KPNA7: variants seen among roughly 807,000 people sequenced by gnomAD.
KPNA7 encodes the protein karyopherin subunit alpha 7.
Under a neutral mutation model 53.7 loss-of-function variants are expected in KPNA7, and 54 were observed. The ratio of observed to expected loss-of-function variants is 1.01; its 90% CI spans 0.81 to 1.26. The LOEUF (loss-of-function observed/expected upper bound fraction) is 1.26. Among genes scored for constraint, KPNA7 ranks in the 50% most tolerant of loss-of-function variants. The pLI is 0.00. For missense variants in KPNA7, 640 were observed against 644.5 expected (o/e 0.99, Z 0.07); for synonymous variants, 276 against 259.3 (o/e 1.06, Z -0.62).
upstream of KPNA7, among the ~76,000 whole-genome samples, chr7:99,208,261 TTATTTA>T (rs1212365217): frequency 6.6e-5 from 10 of 151,478 alleles, no homozygotes; most frequent in African/African-American, 2.2e-4. Context: ...TTTATTTTAT[TTATTTA>T]TTTTTTGAGA....
In KPNA7 at chr7:99,193,019, C is replaced by A; in HGVS notation, c.636G>T (p.Pro212=). Residue 212 remains proline, a splice_region_variant and synonymous_variant, in exon 6 of 11, where the codon CCG becomes CCT. Coordinates refer to ENST00000327442, the MANE Select transcript of KPNA7 (RefSeq NM_001145715.3). ...AAAAGAGAAAGAAAAAGACACTTAC[C>A]GGCAGGGTGGGTGAAATCAAGGCTA... is the stretch of plus-strand genomic sequence containing the variant. ...HLLALISPTL[P]ITFLRNITWT... is the part of the protein sequence containing the mutation. 1 of 1,494,038 alleles carries A rather than the reference C, an allele frequency of 6.7e-7. No homozygotes were observed. Among genetic ancestry groups the A allele is most frequent in the Non-Finnish European group, 8.9e-7 (1 of 1,124,042 alleles). The allele number at this position is 1,494,038 out of a possible 1,614,324, so 92.5% of individuals were successfully genotyped here.
Position 99,176,308 on chromosome 7 carries a change from AAAAAGAAAG to A in KPNA7, c.1464+1603_1464+1611del, listed in dbSNP as rs1182419395. ...GCGAGACTACGTCTCAAAAAAAAAA[AAAAAGAAAG>A]AAAGAAAGAAAGAAAAGAAAAATTT... On this transcript the variant is annotated intron_variant, in intron 10 of 10. Coordinates refer to ENST00000327442, the MANE Select transcript of KPNA7 (RefSeq NM_001145715.3). Among the ~76,000 whole-genome samples the A allele has an allele frequency of 3.2e-4, 31 of 96,072 alleles. No individual in the cohort carries two copies. In the South Asian group the frequency reaches 5.0e-3, roughly 16 times the overall value. The allele number at this position is 96,072 out of a possible 152,430, so 63.0% of individuals were successfully genotyped here.
intron 8 of KPNA7, among the ~76,000 whole-genome samples, chr7:99,183,436 G>A (rs958995167): frequency 3.3e-5 from 5 of 152,140 alleles, no homozygotes; most frequent in Non-Finnish European, 7.3e-5. Context: ...CTCCAAGCAA[G>A]TTATAGTTCA....
chr7:99,195,048 C>T, intron 5 of KPNA7, 22 bp downstream of exon 5: 1 of 1,547,892 alleles, frequency 6.5e-7, no homozygotes, highest in Non-Finnish European at 8.7e-7. Context: ...GTTTTCTTAG[C>T]CCACTAAGGG....
At chr7:99,183,797 TAG>T (rs1789417236) in intron 8 of KPNA7, among the ~76,000 whole-genome samples, 1 of 152,140 alleles carries the variant, frequency 6.6e-6, no homozygotes, top group African/African-American at 2.4e-5. Flanking sequence ...ATGCCAAGGA[TAG>T]TCATTGCTCC....
chr7:99,201,811 C>CA (rs941226252), intron 3 of KPNA7, among the ~76,000 whole-genome samples: 5 of 151,912 alleles, frequency 3.3e-5, no homozygotes, highest in Admixed American at 3.3e-4. Context: ...CAGGTTCAAG[C>CA]AACTCTCCTG....
chr7:99,150,206 C>CCA, the KPNA7 span, among the ~76,000 whole-genome samples: 2 of 151,928 alleles, frequency 1.3e-5, no homozygotes, highest in Non-Finnish European at 2.9e-5. Context: ...AGCAATCCTC[C>CCA]CACCTCAGCC....
intron 3 of KPNA7, among the ~76,000 whole-genome samples, chr7:99,201,219 T>C (rs1286536190): frequency 6.6e-6 from 1 of 152,166 alleles, no homozygotes; most frequent in Non-Finnish European, 1.5e-5. Flanking sequence ...GAGTGACTCC[T>C]GAATGACTGG....
intron 1 of KPNA7, among the ~76,000 whole-genome samples, chr7:99,216,480 G>A (rs1791219548): frequency 6.6e-6 from 1 of 152,138 alleles, no homozygotes; most frequent in Admixed American, 6.6e-5. Context: ...TAAGACCCCT[G>A]CCCTGTGTGA....
intron 8 of KPNA7, among the ~76,000 whole-genome samples, chr7:99,183,124 C>T (rs1018051692): frequency 4.6e-5 from 7 of 152,002 alleles, no homozygotes; most frequent in Admixed American, 2.0e-4. Flanking sequence ...GGTGTGGAGG[C>T]GTGTGCCTGT....
chr7:99,147,663 C>T, the KPNA7 span, among the ~76,000 whole-genome samples: 4 of 151,884 alleles, frequency 2.6e-5, no homozygotes, highest in East Asian at 1.9e-4. Context: ...TAGTGGCAGG[C>T]GCCTGTAATC....
chr7:99,183,624 T>A (rs952853954), intron 8 of KPNA7, among the ~76,000 whole-genome samples: 3 of 152,112 alleles, frequency 2.0e-5, no homozygotes, highest in Non-Finnish European at 2.9e-5. Flanking sequence ...ACCTGGTGCA[T>A]CCTGGGAACT....
rs1320846821 is a variant in KPNA7 at position 99,188,489 on chromosome 7, A to G, written c.711T>C (p.Thr237=). The change falls in exon 7 of 11, where the codon ACT becomes ACC. Residue 237 remains threonine (T), a synonymous_variant. Transcript: ENST00000327442. Reference sequence around the variant, plus strand: ...GGGCCGGCAGTATCTGCTTCACCGCAGTGTCGCAAGGGTATGGGTTCTTGT... The same window carrying G: ...GGGCCGGCAGTATCTGCTTCACCGCGGTGTCGCAAGGGTATGGGTTCTTGT... ...CRNKNPYPCD[T]AVKQILPALL... The G allele has an allele frequency of 1.9e-6, 3 of 1,551,726 alleles. No homozygotes were observed. Among genetic ancestry groups the G allele is most frequent in the Non-Finnish European group, 2.6e-6 (3 of 1,147,000 alleles).
intron 3 of KPNA7, among the ~76,000 whole-genome samples, chr7:99,196,429 C>T (rs370996373): frequency 6.6e-6 from 1 of 152,126 alleles, no homozygotes; most frequent in African/African-American, 2.4e-5. Context: ...TAAGAATGTG[C>T]TAGTGGATAC....
chr7:99,160,916 G>C, the KPNA7 span, among the ~76,000 whole-genome samples: 10 of 151,776 alleles, frequency 6.6e-5, no homozygotes, highest in Non-Finnish European at 1.0e-4. Flanking sequence ...ACCCAGACTG[G>C]AGTGCAGTCA....
At chr7:99,149,206 A>G in the KPNA7 span, among the ~76,000 whole-genome samples, 7 of 151,980 alleles carry the variant, frequency 4.6e-5, no homozygotes, top group East Asian at 3.9e-4. Flanking sequence ...CCTGGCCCCA[A>G]TAATTTTTTC....
At chr7:99,203,792 C>A (rs545386197) in intron 2 of KPNA7, among the ~76,000 whole-genome samples, 2 of 152,228 alleles carry the variant, frequency 1.3e-5, no homozygotes, top group South Asian at 4.1e-4. Flanking sequence ...CCCACTACAA[C>A]CTCTGCCTCT....
chr7:99,190,064 C>G (rs180794810), intron 6 of KPNA7, among the ~76,000 whole-genome samples: 9 of 151,426 alleles, frequency 5.9e-5, no homozygotes, highest in Admixed American at 4.0e-4. Context: ...CTCGGCTGGG[C>G]GTGGTGGCTC....
the KPNA7 span, among the ~76,000 whole-genome samples, chr7:99,159,096 C>T: frequency 1.3e-5 from 2 of 151,954 alleles, no homozygotes; most frequent in African/African-American, 4.8e-5. Context: ...AACTCCTGAC[C>T]TTAGGTGATC....
Sources: allele counts gnomAD v4.1 joint callset (sites outside exome capture counted in the v4.1 genomes callset), GRCh38; gene constraint gnomAD v4.1.1; transcripts MANE v1.5; gene names NCBI Gene and HGNC (gene_info 2026-07-23, HGNC 2026-07-21).